Variants in FHIT observed in about 807,000 individuals in gnomAD.
FHIT encodes bis(5'-adenosyl)-triphosphatase.
Under a neutral mutation model 17.9 loss-of-function variants are expected in FHIT, and 19 were observed. That is an observed-to-expected ratio of 1.06 (90% CI 0.74 to 1.56). The LOEUF is 1.56. Among genes scored for constraint, FHIT ranks in the 40% most tolerant of loss-of-function variants. The probability of loss-of-function intolerance (pLI) is 0.00; values close to 1 mark genes in which losing one functional copy is unlikely to be tolerated. For synonymous variants in FHIT, 81 were observed against 69.7 expected (o/e 1.16, Z -0.81); for missense variants, 248 against 189.2 (o/e 1.31, Z -1.82).
At chr3:59,777,235 G>C (rs190843831) in intron 8 of FHIT, among the ~76,000 whole-genome samples, 1 of 152,072 alleles carries the variant, frequency 6.6e-6, no homozygotes, top group Non-Finnish European at 1.5e-5. Flanking sequence ...CAAGGCCATG[G>C]CTTTAAATAC....
At chr3:61,158,946 T>A (rs927036330) in intron 2 of FHIT, among the ~76,000 whole-genome samples, 9 of 152,208 alleles carry the variant, frequency 5.9e-5, no homozygotes, top group Admixed American at 4.6e-4. Flanking sequence ...ATGATTTACA[T>A]GTAGACTGGG....
intron 1 of FHIT, among the ~76,000 whole-genome samples, chr3:61,223,986 G>C (rs1236055925): frequency 6.6e-6 from 1 of 152,258 alleles, no homozygotes; most frequent in African/African-American, 2.4e-5. Context: ...TCCTCTATGG[G>C]TTACTGGTCC....
chr3:60,469,441 T>G (rs930370236), intron 5 of FHIT, among the ~76,000 whole-genome samples: 2 of 152,322 alleles, frequency 1.3e-5, no homozygotes, highest in Admixed American at 6.5e-5. Flanking sequence ...ATTAACAGAC[T>G]CTGATGCATT....
At chr3:59,907,030 A>T (rs531086731) in intron 8 of FHIT, among the ~76,000 whole-genome samples, 1 of 152,230 alleles carries the variant, frequency 6.6e-6, no homozygotes, top group African/African-American at 2.4e-5. Context: ...ATCACAAAGT[A>T]TCAGAGCTGA....
intron 4 of FHIT, among the ~76,000 whole-genome samples, chr3:60,668,444 ACACT>A (rs1403761564): frequency 2.7e-5 from 4 of 149,748 alleles, no homozygotes; most frequent in Admixed American, 6.6e-5. Context: ...GACTTAGGAA[ACACT>A]CAGTTAGGAA....
At chr3:60,088,063 G>C (rs976705264) in intron 5 of FHIT, among the ~76,000 whole-genome samples, 2 of 152,210 alleles carry the variant, frequency 1.3e-5, no homozygotes, top group African/African-American at 4.8e-5. Context: ...CATGGTGGAA[G>C]ATGAAAGGGA....
At chr3:60,764,329 A>G (rs1569346) in intron 4 of FHIT, among the ~76,000 whole-genome samples, 73,908 of 152,020 alleles carry the variant, frequency 0.49, 21,063 homozygotes, top group African/African-American at 0.81. Context: ...AGTCAAGGAT[A>G]CAGAAAACTC....
At chr3:59,838,305 A>C in intron 8 of FHIT, among the ~76,000 whole-genome samples, 1 of 152,118 alleles carries the variant, frequency 6.6e-6, no homozygotes, top group East Asian at 1.9e-4. Context: ...TTCTGCTACA[A>C]TGTTTCTGCC....
chr3:59,759,282 T>TATGAAAGGATCAG (rs78353510), intron 8 of FHIT, among the ~76,000 whole-genome samples: 56,781 of 151,508 alleles, frequency 0.37, 12,085 homozygotes, highest in African/African-American at 0.57. Context: ...GATGAGAAGA[T>TATGAAAGGATCAG]AGGCAAGGAA....
At chr3:59,924,237 T>A (rs1171759141) in intron 7 of FHIT, among the ~76,000 whole-genome samples, 3 of 152,154 alleles carry the variant, frequency 2.0e-5, no homozygotes, top group Non-Finnish European at 4.4e-5. Context: ...ACTCTTTAAT[T>A]CCAGAATCTC....
At chr3:59,958,775 C>G (rs1477262282) in intron 7 of FHIT, among the ~76,000 whole-genome samples, 3 of 152,196 alleles carry the variant, frequency 2.0e-5, no homozygotes, top group Non-Finnish European at 4.4e-5. Flanking sequence ...CTATGACTCT[C>G]TCCTTTTTTC....
chr3:60,450,225 G>C (rs2031643673), intron 5 of FHIT, among the ~76,000 whole-genome samples: 1 of 142,930 alleles, frequency 7.0e-6, no homozygotes, highest in Non-Finnish European at 1.5e-5. Context: ...AAAAAATAAA[G>C]TATTAATAAT....
At chr3:59,929,857 A>G (rs1265436195) in intron 7 of FHIT, among the ~76,000 whole-genome samples, 7 of 125,412 alleles carry the variant, frequency 5.6e-5, no homozygotes, top group Non-Finnish European at 1.1e-4. Context: ...AATATGATAC[A>G]CGCTTTTTTT....
chr3:59,835,180 A>G (rs1263970920), intron 8 of FHIT, among the ~76,000 whole-genome samples: 1 of 152,188 alleles, frequency 6.6e-6, no homozygotes, highest in Non-Finnish European at 1.5e-5. Context: ...CTGGGCCAAA[A>G]TAGTCATTAC....
intron 8 of FHIT, among the ~76,000 whole-genome samples, chr3:59,835,644 A>G (rs1701314138): frequency 6.6e-6 from 1 of 152,154 alleles, no homozygotes; most frequent in African/African-American, 2.4e-5. Flanking sequence ...CATTACTCTC[A>G]ATATGTCTTC....
At position 61,230,376 on chromosome 3, in the gene FHIT, C is replaced by T. The variant is rs375496282; in HGVS notation, c.-213+20925G>A. Among the ~76,000 whole-genome samples the T allele has an allele frequency of 4.4e-4, 67 of 152,286 alleles. 2 individuals carry two copies. In the South Asian group the frequency reaches 0.012, roughly 28 times the overall value. The stretch of plus-strand genomic sequence containing the variant: ...TCCCCTTACTATCCTCTTGCTCCTG[C>T]TTTTGCCATATGACATGCCTGCTCC... On this transcript the variant is annotated intron_variant, in intron 1 of 9. Coordinates refer to ENST00000492590, the MANE Select transcript of FHIT (RefSeq NM_002012.4).
intron 2 of FHIT, among the ~76,000 whole-genome samples, chr3:61,110,181 T>A (rs1053194254): frequency 6.6e-6 from 1 of 152,190 alleles, no homozygotes; most frequent in African/African-American, 2.4e-5. Context: ...TGTTCCCAAC[T>A]GTCTCTCAGG....
chr3:60,334,232 TG>T (rs1304069073), intron 5 of FHIT, among the ~76,000 whole-genome samples: 1 of 152,192 alleles, frequency 6.6e-6, no homozygotes, highest in Non-Finnish European at 1.5e-5. Context: ...ATCCTGAGTG[TG>T]TACAAAGATT....
chr3:59,883,568 C>T (rs982902970), intron 8 of FHIT, among the ~76,000 whole-genome samples: 1 of 152,232 alleles, frequency 6.6e-6, no homozygotes, highest in Admixed American at 6.5e-5. Context: ...CAGGGTCCGT[C>T]TCACAACACA....
Sources: gnomAD v4.1 joint callset for allele counts (sites outside exome capture counted in the v4.1 genomes callset) on GRCh38, gnomAD v4.1.1 for gene constraint, MANE v1.5 for transcripts, NCBI Gene and HGNC (gene_info 2026-07-23, HGNC 2026-07-21) for gene names.